Variants in ADAM22 observed in about 807,000 individuals in gnomAD.
The protein encoded by ADAM22 is disintegrin and metalloproteinase domain-containing protein 22.
In ADAM22, 65 loss-of-function variants were observed where a neutral mutation model predicts 144.6. The observed-to-expected ratio is 0.45, with a 90% CI of 0.37 to 0.55. The LOEUF (loss-of-function observed/expected upper bound fraction) is 0.55, where lower values mean the gene tolerates loss of function less well. Ranked by LOEUF, ADAM22 falls within the 20% of genes least tolerant of loss-of-function variation. The pLI is 0.00. For missense variants in ADAM22, 974 were observed against 1,184.9 expected, an observed-to-expected ratio of 0.82 and a Z score of 2.61; for synonymous variants, 391 against 412.6, an observed-to-expected ratio of 0.95 and a Z score of 0.63.
intron 30 of ADAM22, among the ~76,000 whole-genome samples, chr7:88,192,194 T>C (rs1436886474): frequency 6.6e-6 from 1 of 152,182 alleles, no homozygotes; most frequent in Admixed American, 6.5e-5. Flanking sequence ...ACCAGTTCAA[T>C]GTGGGTTTTT....
At chr7:88,163,916 C>G (rs867692611) in intron 23 of ADAM22, among the ~76,000 whole-genome samples, 11 of 151,884 alleles carry the variant, frequency 7.2e-5, no homozygotes, top group Admixed American at 1.3e-4. Flanking sequence ...ATTTTTGTTC[C>G]AGATTCTTTG....
At chr7:88,056,121 G>A (rs1416870609) in intron 3 of ADAM22, among the ~76,000 whole-genome samples, 1 of 152,114 alleles carries the variant, frequency 6.6e-6, no homozygotes, top group Non-Finnish European at 1.5e-5. Context: ...AATGTTTATG[G>A]AGTCCCTATT....
intron 3 of ADAM22, among the ~76,000 whole-genome samples, chr7:87,992,601 C>T (rs1403916470): frequency 6.6e-6 from 1 of 152,056 alleles, no homozygotes. Flanking sequence ...TCCTGATTTC[C>T]ATAGGTAGTA....
intron 19 of ADAM22, 94 bp from the exon 20 acceptor site, chr7:88,151,163 T>G (rs1838237068): frequency 6.5e-7 from 1 of 1,537,494 alleles, no homozygotes; most frequent in Middle Eastern, 1.7e-4. Flanking sequence ...TCTCTACTAT[T>G]CATCTATTAT....
In ADAM22 at chr7:88,039,532, A is replaced by G. The variant is rs370814946; in HGVS notation, c.324-36094A>G. On this transcript the variant is annotated intron_variant, in intron 3 of 31. Transcript: ENST00000413139. ...AATCTGAACCTGATTTTGTTTCTATATCTTTCCAAATATTAAGGATTCCAA... is the reference window on the plus strand; with the variant it reads ...AATCTGAACCTGATTTTGTTTCTATGTCTTTCCAAATATTAAGGATTCCAA... Among the ~76,000 whole-genome samples, 7 of 145,660 alleles carry G rather than the reference A, an allele frequency of 4.8e-5. No individual in the cohort carries two copies. In the East Asian group the frequency reaches 1.4e-3, roughly 29 times the overall value.
intron 22 of ADAM22, among the ~76,000 whole-genome samples, chr7:88,162,586 A>C (rs1161397447): frequency 2.0e-5 from 3 of 152,108 alleles, no homozygotes; most frequent in Non-Finnish European, 2.9e-5. Flanking sequence ...GTTTTAAAAA[A>C]CATTTCTAAA....
intron 20 of ADAM22, 56 bp downstream of exon 20, chr7:88,151,376 C>A: frequency 6.3e-7 from 1 of 1,596,242 alleles, no homozygotes; most frequent in South Asian, 1.1e-5. Context: ...GCGGACTTCT[C>A]AAGGACGTGT....
chr7:88,005,709 A>G (rs940268174), intron 3 of ADAM22, among the ~76,000 whole-genome samples: 1 of 152,162 alleles, frequency 6.6e-6, no homozygotes, highest in Non-Finnish European at 1.5e-5. Flanking sequence ...GAATTTTACT[A>G]ATATGATACA....
intron 3 of ADAM22, among the ~76,000 whole-genome samples, chr7:88,047,586 T>A (rs1238055897): frequency 6.6e-6 from 1 of 152,150 alleles, no homozygotes; most frequent in East Asian, 1.9e-4. Flanking sequence ...CACACAGGCA[T>A]GTTTTGGATT....
chr7:88,107,202 T>G (rs10268411), intron 4 of ADAM22, among the ~76,000 whole-genome samples: 66 of 137,524 alleles, frequency 4.8e-4, no homozygotes, highest in African/African-American at 1.6e-3. Flanking sequence ...GAATTTCTTT[T>G]TTTTTTTTTT....
chr7:87,967,772 C>T (rs1410245713), intron 2 of ADAM22, among the ~76,000 whole-genome samples: 3 of 138,648 alleles, frequency 2.2e-5, no homozygotes, highest in Non-Finnish European at 3.0e-5. Flanking sequence ...CGCACCACTG[C>T]ACTCCAGCCT....
At chr7:88,076,951 C>G (rs941729291) in intron 4 of ADAM22, among the ~76,000 whole-genome samples, 1 of 151,868 alleles carries the variant, frequency 6.6e-6, no homozygotes, top group African/African-American at 2.4e-5. Context: ...AAAAGTTGAA[C>G]AAAAAAGGAA....
At chr7:87,965,718 A>T (rs964950938) in intron 2 of ADAM22, among the ~76,000 whole-genome samples, 14 of 152,328 alleles carry the variant, frequency 9.2e-5, no homozygotes, top group Non-Finnish European at 1.9e-4. Flanking sequence ...AAATCCATTG[A>T]TATTACAGAA....
intron 14 of ADAM22, among the ~76,000 whole-genome samples, chr7:88,141,630 T>G (rs1301751250): frequency 6.6e-6 from 1 of 152,186 alleles, no homozygotes; most frequent in East Asian, 1.9e-4. Flanking sequence ...TAACCATGGT[T>G]GATATTAAAA....
chr7:88,146,593 CT>C (rs1836516855), intron 17 of ADAM22, among the ~76,000 whole-genome samples: 1 of 152,240 alleles, frequency 6.6e-6, no homozygotes, highest in African/African-American at 2.4e-5. Flanking sequence ...TCCCCAGACA[CT>C]GCCAAATGTT....
chr7:87,944,551 G>T (rs896900388), intron 2 of ADAM22, among the ~76,000 whole-genome samples: 6 of 152,144 alleles, frequency 3.9e-5, no homozygotes, highest in Admixed American at 2.0e-4. Flanking sequence ...TCTAAAGTAG[G>T]CTGGAGAGGG....
intron 3 of ADAM22, among the ~76,000 whole-genome samples, chr7:87,983,092 T>C (rs1854098902): frequency 6.6e-6 from 1 of 152,136 alleles, no homozygotes; most frequent in Non-Finnish European, 1.5e-5. Context: ...TGTAGCTTTA[T>C]AATGTGTTTT....
rs1409431320 is a variant in ADAM22 at position 87,938,143 on chromosome 7, CT to C, written c.246+2959del. Among the ~76,000 whole-genome samples, 5 of 150,054 alleles carry C rather than the reference CT, an allele frequency of 3.3e-5. No individual in the cohort carries two copies. The East Asian group carries it at 5.8e-4, about 18-fold the overall frequency. ...AAACATAAGTTGATTTTTTATGGCC[CT>C]TGTTATTTCTCTAATACTTAAATAG... On this transcript the variant is annotated intron_variant, in intron 2 of 31. Coordinates refer to ENST00000413139, the MANE Select transcript of ADAM22 (RefSeq NM_001324418.2).
At chr7:87,984,607 T>G (rs910013383) in intron 3 of ADAM22, among the ~76,000 whole-genome samples, 3 of 152,198 alleles carry the variant, frequency 2.0e-5, no homozygotes, top group Non-Finnish European at 4.4e-5. Context: ...ACTCTAAAAT[T>G]TCCCCGTTCC....
Sources: allele counts gnomAD v4.1 joint callset (sites outside exome capture counted in the v4.1 genomes callset), GRCh38; gene constraint gnomAD v4.1.1; transcripts MANE v1.5; gene names NCBI Gene and HGNC (gene_info 2026-07-23, HGNC 2026-07-21).